HVCN1: variants seen among roughly 807,000 people sequenced by gnomAD.
HVCN1 encodes the protein hydrogen voltage gated channel 1, also known as voltage-gated hydrogen channel 1.
Under a neutral mutation model 29.2 loss-of-function variants are expected in HVCN1, and 14 were observed. The observed-to-expected ratio is 0.48, with a 90% CI of 0.32 to 0.75. The LOEUF (loss-of-function observed/expected upper bound fraction) is 0.75, where lower values mean the gene tolerates loss of function less well. Among genes scored for constraint, HVCN1 ranks in the 30% least tolerant of loss-of-function variants. HVCN1 has a pLI of 0.04. For missense variants in HVCN1, 263 were observed against 341.8 expected (o/e 0.77, Z 1.82); for synonymous variants, 131 against 133.2 (o/e 0.98, Z 0.11).
chr12:110,681,688 A>G (rs2068978648), intron 3 of HVCN1, among the ~76,000 whole-genome samples: 2 of 152,144 alleles, frequency 1.3e-5, no homozygotes, highest in Admixed American at 1.3e-4. Context: ...TCCCGTGGTC[A>G]TTCTGACCCT....
At chr12:110,670,344 C>T (rs1311816018) in intron 3 of HVCN1, among the ~76,000 whole-genome samples, 1 of 152,180 alleles carries the variant, frequency 6.6e-6, no homozygotes, top group Non-Finnish European at 1.5e-5. Context: ...GGCCTGATGT[C>T]CCTTCAGTTT....
intron 2 of HVCN1, among the ~76,000 whole-genome samples, chr12:110,697,264 C>T (rs985733172): frequency 3.3e-5 from 5 of 152,082 alleles, no homozygotes; most frequent in Non-Finnish European, 7.4e-5. Flanking sequence ...AAGGCCTGGG[C>T]TGTGATCCCC....
At chr12:110,685,236 G>C (rs777577983) in intron 2 of HVCN1, among the ~76,000 whole-genome samples, 16 of 152,178 alleles carry the variant, frequency 1.1e-4, no homozygotes, top group Non-Finnish European at 1.9e-4. Context: ...GCTGGAGTCA[G>C]AAAGATCTGA....
chr12:110,698,055 C>G (rs2069520016), intron 2 of HVCN1, among the ~76,000 whole-genome samples: 1 of 152,172 alleles, frequency 6.6e-6, no homozygotes, highest in South Asian at 2.1e-4. Context: ...ACCTGGCTCC[C>G]AATACAGGAT....
intron 5 of HVCN1, among the ~76,000 whole-genome samples, chr12:110,653,711 G>A (rs1343532696): frequency 5.3e-5 from 8 of 151,940 alleles, no homozygotes; most frequent in South Asian, 2.1e-4. Flanking sequence ...GTGTGGTGGC[G>A]GGCACCTGTA....
chr12:110,670,009 G>A lies in HVCN1; in HGVS notation c.22-8561C>T, dbSNP rs146763812. On this transcript the variant is annotated intron_variant, in intron 3 of 7. Transcript: ENST00000242607. ...CCTGCACTCCAGCCTGGGTGACAGAGCGAGACTCCATCTCAAAAAAAAGAA... is the reference window on the plus strand; with the variant it reads ...CCTGCACTCCAGCCTGGGTGACAGAACGAGACTCCATCTCAAAAAAAAGAA... 6.8e-3 allele frequency among the ~76,000 whole-genome samples: 1,040 copies of A among 152,224 alleles called. 1 individual carries two copies. The highest frequency in any genetic ancestry group is 9.4e-3 in the Non-Finnish European group (636 of 68,006).
At chr12:110,652,626 A>G (rs1363976828) in intron 5 of HVCN1, among the ~76,000 whole-genome samples, 1 of 152,220 alleles carries the variant, frequency 6.6e-6, no homozygotes, top group African/African-American at 2.4e-5. Flanking sequence ...TAACACAGTG[A>G]ATAAAAAAAT....
At position 110,696,197 on chromosome 12, in the gene HVCN1, G is replaced by T. The variant is rs2069488220; in HGVS notation, c.-104+6112C>A. Among the ~76,000 whole-genome samples, 5 of 151,456 alleles carry T rather than the reference G, an allele frequency of 3.3e-5. No homozygotes were observed. In the South Asian group the frequency reaches 1.0e-3, roughly 32 times the overall value. ...TCGAACTCCTGACCTCAGGTGATCT[G>T]CCCACCTTGACCTCCCAAAATGCTG... On this transcript the variant is annotated intron_variant, in intron 2 of 4. Coordinates refer to the HVCN1 transcript ENST00000546713.
At chr12:110,668,102 G>A (rs1039033512) in intron 3 of HVCN1, among the ~76,000 whole-genome samples, 2 of 152,080 alleles carry the variant, frequency 1.3e-5, no homozygotes, top group African/African-American at 2.4e-5. Context: ...CACCACGCCC[G>A]GCTAATTTTT....
chr12:110,682,491 AC>A (rs1253955867), intron 3 of HVCN1, among the ~76,000 whole-genome samples: 1 of 152,006 alleles, frequency 6.6e-6, no homozygotes, highest in Non-Finnish European at 1.5e-5. Flanking sequence ...GAGCCACCAC[AC>A]CTGGCCTAAA....
chr12:110,661,114 C>A lies in HVCN1; in HGVS notation c.306+50G>T. On this transcript the variant is annotated intron_variant, in intron 4 of 7. Transcript: ENST00000242607. This position sits in a 1 kb window ranked among gnomAD's most constrained non-coding sequence, Gnocchi z 6.2. The stretch of plus-strand genomic sequence containing the variant: ...GCCTGGCCGCCTGCCTCACATTCCC[C>A]GATGGCTCTCCTGCCAGCTCTGGGT... The A allele has an allele frequency of 2.0e-6, 3 of 1,535,306 alleles. No individual in the cohort carries two copies. In the South Asian group the frequency reaches 3.7e-5, roughly 19 times the overall value.
At chr12:110,691,101 C>T (rs2069397275), upstream of HVCN1, among the ~76,000 whole-genome samples, 1 of 150,832 alleles carries the variant, frequency 6.6e-6, no homozygotes, top group South Asian at 2.1e-4. Context: ...CGCGCTCTGT[C>T]ACCCAGGCTG....
intron 3 of HVCN1, among the ~76,000 whole-genome samples, chr12:110,672,750 A>G (rs2068626354): frequency 6.6e-6 from 1 of 152,120 alleles, no homozygotes. Context: ...TGTGATTCTC[A>G]TGATAGTGAA....
intron 3 of HVCN1, among the ~76,000 whole-genome samples, chr12:110,679,303 C>T (rs2068860836): frequency 6.6e-6 from 1 of 152,168 alleles, no homozygotes. Flanking sequence ...GCGAAATAAG[C>T]CCAGGAGCTG....
At chr12:110,680,516 AAAAG>A (rs1420897025) in intron 3 of HVCN1, among the ~76,000 whole-genome samples, 1 of 152,180 alleles carries the variant, frequency 6.6e-6, no homozygotes, top group African/African-American at 2.4e-5. Flanking sequence ...AAAAAGGAAC[AAAAG>A]AAAGGGAAAT....
chr12:110,671,231 G>GC (rs1173256311), intron 3 of HVCN1, among the ~76,000 whole-genome samples: 2 of 152,146 alleles, frequency 1.3e-5, no homozygotes, highest in South Asian at 2.1e-4. Flanking sequence ...GGAGGCTGAA[G>GC]CAGGAGAATC....
chr12:110,700,689 C>G (rs1441426526), intron 2 of HVCN1, among the ~76,000 whole-genome samples: 1 of 152,110 alleles, frequency 6.6e-6, no homozygotes, highest in Non-Finnish European at 1.5e-5. Context: ...ACCTCCTGGG[C>G]TCAAGTGATC....
At chr12:110,683,909 TA>T (rs766895530) in intron 2 of HVCN1, among the ~76,000 whole-genome samples, 168 of 67,834 alleles carry the variant, frequency 2.5e-3, no homozygotes, top group Non-Finnish European at 3.4e-3. Context: ...AGACTCTATC[TA>T]AAAAAAAAAA....
intron 1 of HVCN1, among the ~76,000 whole-genome samples, chr12:110,703,371 AGAGT>A (rs1244000935): frequency 6.6e-6 from 1 of 151,948 alleles, no homozygotes; most frequent in East Asian, 1.9e-4. Context: ...CTTAGAAGAC[AGAGT>A]GAGATCCTGA....
Sources: allele counts gnomAD v4.1 joint callset (sites outside exome capture counted in the v4.1 genomes callset), GRCh38; gene constraint gnomAD v4.1.1; non-coding constraint Gnocchi (gnomAD v3.1); transcripts MANE v1.5; gene names NCBI Gene and HGNC (gene_info 2026-07-23, HGNC 2026-07-21).